The following WWC1 variants were observed in gnomAD, a reference collection of about 807,000 sequenced individuals.
WWC1 encodes the protein protein KIBRA.
A neutral mutation model predicts 138.4 loss-of-function variants in WWC1; 55 were observed. The observed-to-expected ratio is 0.40, with a 90% CI of 0.32 to 0.50. The LOEUF (loss-of-function observed/expected upper bound fraction) is 0.50. WWC1 is among the 20% of genes least tolerant of loss of function. The probability of loss-of-function intolerance (pLI) is 0.72; values close to 1 mark genes in which losing one functional copy is unlikely to be tolerated. For missense variants in WWC1, 1,226 were observed against 1,420.4 expected, an observed-to-expected ratio of 0.86 and a Z score of 2.20; for synonymous variants, 524 against 564.9, an observed-to-expected ratio of 0.93 and a Z score of 1.03.
At chr5:168,315,139 G>A (rs1771465173) in intron 1 of WWC1, among the ~76,000 whole-genome samples, 1 of 151,790 alleles carries the variant, frequency 6.6e-6, no homozygotes, top group South Asian at 2.1e-4. Flanking sequence ...AACATTCCAG[G>A]AAAATAAACC....
intron 21 of WWC1, among the ~76,000 whole-genome samples, chr5:168,466,982 C>A (rs944729023): frequency 1.3e-5 from 2 of 152,130 alleles, no homozygotes; most frequent in Admixed American, 6.5e-5. Context: ...TGGCTTTAGG[C>A]CGGACGCGGT....
At chr5:168,432,848 T>C (rs1177514307) in intron 15 of WWC1, among the ~76,000 whole-genome samples, 2 of 152,208 alleles carry the variant, frequency 1.3e-5, no homozygotes, top group African/African-American at 4.8e-5. Flanking sequence ...TATACACCTC[T>C]CCGAGCCTCT....
intron 1 of WWC1, among the ~76,000 whole-genome samples, chr5:168,362,275 C>A (rs1250938215): frequency 6.6e-6 from 1 of 152,174 alleles, no homozygotes; most frequent in Non-Finnish European, 1.5e-5. Context: ...ACATTAACTG[C>A]TTGGAACAGT....
chr5:168,310,676 A>T (rs569242613), intron 1 of WWC1, among the ~76,000 whole-genome samples: 88 of 152,102 alleles, frequency 5.8e-4, no homozygotes, highest in African/African-American at 2.0e-3. Context: ...TCTGCACAAA[A>T]AATAAAAGAA....
At chr5:168,293,876 C>A (rs1769288307) in intron 1 of WWC1, among the ~76,000 whole-genome samples, 1 of 152,200 alleles carries the variant, frequency 6.6e-6, no homozygotes, top group Admixed American at 6.5e-5. Flanking sequence ...GAAGTTCTAA[C>A]CTGCAAACTT....
intron 11 of WWC1, among the ~76,000 whole-genome samples, chr5:168,426,611 T>C (rs1781522356): frequency 6.6e-6 from 1 of 152,188 alleles, no homozygotes; most frequent in Non-Finnish European, 1.5e-5. Flanking sequence ...AGTGGTTTAG[T>C]GGAGGGTGGA....
intron 7 of WWC1, among the ~76,000 whole-genome samples, chr5:168,409,501 C>G (rs72830909): frequency 0.081 from 12,340 of 152,256 alleles, 601 homozygotes; most frequent in East Asian, 0.17. Flanking sequence ...CCCAACTACC[C>G]AGTGTTTCAC....
intron 1 of WWC1, among the ~76,000 whole-genome samples, chr5:168,328,921 T>C (rs148431877): frequency 6.6e-6 from 1 of 152,182 alleles, no homozygotes; most frequent in Non-Finnish European, 1.5e-5. Context: ...GCATCTGTTA[T>C]TCCCTCAGTC....
intron 1 of WWC1, among the ~76,000 whole-genome samples, chr5:168,365,115 G>T (rs569856668): frequency 9.8e-5 from 15 of 152,326 alleles, no homozygotes; most frequent in South Asian, 8.3e-4. Context: ...GGAGCTAAAG[G>T]TGAAGGGACT....
At chr5:168,378,520 A>T (rs1777394174) in intron 2 of WWC1, among the ~76,000 whole-genome samples, 3 of 152,338 alleles carry the variant, frequency 2.0e-5, no homozygotes, top group South Asian at 2.1e-4. Context: ...ATTATTTTAA[A>T]TAGCACTCAG....
At chr5:168,468,015 G>A in intron 22 of WWC1, 51 bp downstream of exon 22, 1 of 1,608,292 alleles carries the variant, frequency 6.2e-7, no homozygotes, top group South Asian at 1.1e-5. Context: ...CCAACCCACG[G>A]CCTTAGTCTT....
chr5:168,379,360 C>G (rs1163085664), intron 2 of WWC1, among the ~76,000 whole-genome samples: 1 of 152,120 alleles, frequency 6.6e-6, no homozygotes, highest in Non-Finnish European at 1.5e-5. Context: ...AGGACCCCCT[C>G]AGGGTGTGAC....
chr5:168,391,354 T>A (rs1778474186), intron 3 of WWC1, among the ~76,000 whole-genome samples: 1 of 151,982 alleles, frequency 6.6e-6, no homozygotes, highest in Non-Finnish European at 1.5e-5. Context: ...CATTGCAAGA[T>A]CTCATCTCTA....
At chr5:168,359,355 A>G (rs1775710998) in intron 1 of WWC1, among the ~76,000 whole-genome samples, 1 of 152,196 alleles carries the variant, frequency 6.6e-6, no homozygotes, top group Admixed American at 6.5e-5. Flanking sequence ...CGTCTGGCCT[A>G]TACACTATAG....
chr5:168,328,890 C>T (rs1447810376), intron 1 of WWC1, among the ~76,000 whole-genome samples: 2 of 152,170 alleles, frequency 1.3e-5, no homozygotes, highest in Non-Finnish European at 2.9e-5. Flanking sequence ...ACCTCGGTGT[C>T]TGGTGCCCCT....
Position 168,448,779 on chromosome 5 carries a change from C to T in WWC1, c.2525+4194C>T, listed in dbSNP as rs562052566. ...GACTACAGGCACCTGCCGCCATGCCCAGCTAATTTTTTGTGTTTTTTAGTA... is the reference window on the plus strand; with the variant it reads ...GACTACAGGCACCTGCCGCCATGCCTAGCTAATTTTTTGTGTTTTTTAGTA... On this transcript the variant is annotated intron_variant, in intron 17 of 22. Coordinates refer to ENST00000265293, the MANE Select transcript of WWC1 (RefSeq NM_015238.3). Among the ~76,000 whole-genome samples the T allele has an allele frequency of 1.1e-4, 16 of 152,126 alleles. No individual in the cohort carries two copies. The South Asian group carries it at 3.1e-3, about 30-fold the overall frequency.
intron 1 of WWC1, among the ~76,000 whole-genome samples, chr5:168,343,093 G>A (rs979631036): frequency 9.9e-5 from 15 of 152,088 alleles, no homozygotes; most frequent in Admixed American, 9.2e-4. Context: ...TTTTCATTGC[G>A]CAGATGGACC....
chr5:168,366,891 A>G (rs144442531), intron 1 of WWC1, among the ~76,000 whole-genome samples: 4,368 of 134,726 alleles, frequency 0.032, 234 homozygotes, highest in African/African-American at 0.12. Context: ...TCCGCCTCCC[A>G]GGTTCAAGCG....
chr5:168,452,272 G>A (rs1314540183), intron 17 of WWC1, among the ~76,000 whole-genome samples: 2 of 152,140 alleles, frequency 1.3e-5, no homozygotes, highest in East Asian at 1.9e-4. Context: ...TCTGTTAGGG[G>A]CTGATTTGTG....
Sources: gnomAD v4.1 joint callset for allele counts (sites outside exome capture counted in the v4.1 genomes callset) on GRCh38, gnomAD v4.1.1 for gene constraint, MANE v1.5 for transcripts, NCBI Gene and HGNC (gene_info 2026-07-23, HGNC 2026-07-21) for gene names.